LCOR: variants seen among roughly 807,000 people sequenced by gnomAD.
LCOR encodes the protein ligand dependent nuclear receptor corepressor, also known as ligand-dependent corepressor.
A neutral mutation model predicts 64.4 loss-of-function variants in LCOR; 14 were observed. That is an observed-to-expected ratio of 0.22 (90% CI 0.14 to 0.34). LCOR has a LOEUF of 0.34. LCOR is among the 10% of genes least tolerant of loss of function. The probability of loss-of-function intolerance (pLI) is 1.00; values close to 1 mark genes in which losing one functional copy is unlikely to be tolerated. For synonymous variants in LCOR, 643 were observed against 642.5 expected, an observed-to-expected ratio of 1.00 and a Z score of -0.01; for missense variants, 1,686 against 1,765.3, an observed-to-expected ratio of 0.96 and a Z score of 0.80.
At chr10:96,905,855 C>T (rs1846718163) in intron 2 of LCOR, among the ~76,000 whole-genome samples, 1 of 152,108 alleles carries the variant, frequency 6.6e-6, no homozygotes. Context: ...GAAAAACCAG[C>T]TCTCTAATTA....
At chr10:96,972,657 A>G (rs866301000) in intron 7 of LCOR, among the ~76,000 whole-genome samples, 2 of 152,200 alleles carry the variant, frequency 1.3e-5, no homozygotes, top group Non-Finnish European at 2.9e-5. Context: ...GAAAAATAGG[A>G]GATACAATAT....
intron 4 of LCOR, among the ~76,000 whole-genome samples, chr10:96,915,160 C>T (rs564717850): frequency 1.3e-5 from 2 of 152,264 alleles, no homozygotes; most frequent in Non-Finnish European, 2.9e-5. Context: ...TATTAGTGAC[C>T]TATGCCCCTT....
chr10:96,834,952 G>T (rs751749162), intron 2 of LCOR, among the ~76,000 whole-genome samples: 13 of 152,166 alleles, frequency 8.5e-5, no homozygotes, highest in Non-Finnish European at 1.5e-4. Flanking sequence ...CCGGGCTGGA[G>T]TGCAGTGGCG....
chr10:96,868,300 A>T, intron 2 of LCOR, among the ~76,000 whole-genome samples: 1 of 138,610 alleles, frequency 7.2e-6, no homozygotes, highest in Admixed American at 7.4e-5. Context: ...TTTGAGATGG[A>T]GTCTTGCACT....
chr10:96,837,079 C>T (rs1224795394), intron 2 of LCOR, among the ~76,000 whole-genome samples: 2 of 151,928 alleles, frequency 1.3e-5, no homozygotes, highest in Non-Finnish European at 2.9e-5. Flanking sequence ...GCAAGTTCCG[C>T]CTCCTGGGTT....
intron 2 of LCOR, among the ~76,000 whole-genome samples, chr10:96,835,127 C>T (rs1845420487): frequency 6.6e-6 from 1 of 152,184 alleles, no homozygotes; most frequent in Admixed American, 6.5e-5. Context: ...TCTCGAACTC[C>T]TGACCTCATG....
chr10:96,942,447 A>G (rs1402435988), intron 4 of LCOR, among the ~76,000 whole-genome samples: 1 of 111,666 alleles, frequency 9.0e-6, no homozygotes, highest in Non-Finnish European at 1.8e-5. Flanking sequence ...GAGACCGTGG[A>G]GAGAGGGAGA....
chr10:96,894,262 T>C (rs1846499567), intron 2 of LCOR, among the ~76,000 whole-genome samples: 1 of 151,982 alleles, frequency 6.6e-6, no homozygotes, highest in Admixed American at 6.6e-5. Context: ...CAGCTAAAAT[T>C]TGCATTTTTA....
chr10:96,848,354 A>AC, intron 2 of LCOR, among the ~76,000 whole-genome samples: 1 of 152,292 alleles, frequency 6.6e-6, no homozygotes, highest in Non-Finnish European at 1.5e-5. Context: ...TAAAATAACC[A>AC]CACTTTAAAA....
In LCOR at chr10:96,949,301, GT is replaced by G; in HGVS notation, c.238+9del. 5 of 1,613,510 alleles carry G rather than the reference GT, an allele frequency of 3.1e-6. No individual in the cohort carries two copies. Among genetic ancestry groups the G allele is most frequent in the Non-Finnish European group, 4.2e-6 (5 of 1,179,608 alleles). ...GTCAGAACCTAGCGAACAAGGTATG[GT>G]TTGATGTCAAGGTCTCCTCTATCTT... is the stretch of plus-strand genomic sequence containing the variant. On this transcript the variant is annotated splice_region_variant and intron_variant, in intron 6 of 7. Coordinates refer to ENST00000421806, the MANE Select transcript of LCOR (RefSeq NM_001346516.2).
intron 7 of LCOR, chr10:96,956,088 A>G: frequency 7.0e-7 from 1 of 1,429,912 alleles, no homozygotes; most frequent in African/African-American, 1.4e-5. Context: ...TGAATGTTGC[A>G]TATTTTAAAT....
At chr10:96,929,269 G>T (rs937866409) in intron 4 of LCOR, among the ~76,000 whole-genome samples, 5 of 152,208 alleles carry the variant, frequency 3.3e-5, no homozygotes, top group Non-Finnish European at 7.3e-5. Context: ...TGTCTACATT[G>T]AAAATCTGTT....
intron 4 of LCOR, among the ~76,000 whole-genome samples, chr10:96,922,889 C>T (rs1362631372): frequency 6.6e-6 from 1 of 151,980 alleles, no homozygotes; most frequent in East Asian, 1.9e-4. Flanking sequence ...TTTTGAATGC[C>T]GTATTTAACT....
chr10:96,864,072 GT>G (rs1171716895), intron 2 of LCOR, among the ~76,000 whole-genome samples: 1 of 152,126 alleles, frequency 6.6e-6, no homozygotes, highest in Non-Finnish European at 1.5e-5. Flanking sequence ...CTTGGCAGTA[GT>G]TTATGAACCT....
chr10:96,930,074 A>T (rs1034129199), intron 4 of LCOR, among the ~76,000 whole-genome samples: 1 of 152,214 alleles, frequency 6.6e-6, no homozygotes, highest in Non-Finnish European at 1.5e-5. Flanking sequence ...AAATATTGCA[A>T]ATATTACAAA....
chr10:96,976,625 C>G (rs1315487166), intron 7 of LCOR, among the ~76,000 whole-genome samples: 1 of 152,168 alleles, frequency 6.6e-6, no homozygotes, highest in Non-Finnish European at 1.5e-5. Context: ...GTTATTGAAA[C>G]ATGGGACAGC....
In LCOR at chr10:96,944,164, C is replaced by G. The variant is rs1847547133; in HGVS notation, c.-132C>G. 3.0e-6 allele frequency: 3 copies of G among 985,492 alleles called. No individual in the cohort carries two copies. Among genetic ancestry groups the G allele is most frequent in the African/African-American group, 1.7e-5 (1 of 57,204 alleles). 61.0% of individuals were successfully genotyped at this position (985,492 alleles called of 1,614,324 possible). A position where few individuals can be genotyped will look rare whatever the true frequency, so the allele number is the denominator to read the frequency against. Reference sequence around the variant, plus strand: ...AGCTTCGGGAGCTGGGCAAGAAGCTCTGCTTAAACAAGAGCAAGCAAAAAT... The same window carrying G: ...AGCTTCGGGAGCTGGGCAAGAAGCTGTGCTTAAACAAGAGCAAGCAAAAAT... On this transcript the variant is annotated 5_prime_UTR_variant, in exon 5 of 8. Coordinates refer to ENST00000421806, the MANE Select transcript of LCOR (RefSeq NM_001346516.2).
intron 2 of LCOR, among the ~76,000 whole-genome samples, chr10:96,877,077 A>G (rs954104972): frequency 3.3e-5 from 5 of 152,168 alleles, no homozygotes; most frequent in African/African-American, 1.2e-4. Context: ...TCTTTTGCCT[A>G]TTGTGTATTG....
At chr10:96,877,862 C>T (rs1040864185) in intron 2 of LCOR, among the ~76,000 whole-genome samples, 5 of 152,066 alleles carry the variant, frequency 3.3e-5, no homozygotes, top group African/African-American at 7.2e-5. Context: ...CCGCCTGCCT[C>T]GGCCTCCCAA....
Sources: allele counts gnomAD v4.1 joint callset (sites outside exome capture counted in the v4.1 genomes callset), GRCh38; gene constraint gnomAD v4.1.1; transcripts MANE v1.5; gene names NCBI Gene and HGNC (gene_info 2026-07-23, HGNC 2026-07-21).